The following ENTREP2 variants were observed in gnomAD, a reference collection of about 807,000 sequenced individuals.
ENTREP2 encodes protein ENTREP2.
At chr15:29,561,483 C>A in the ENTREP2 span, among the ~76,000 whole-genome samples, 1 of 151,936 alleles carries the variant, frequency 6.6e-6, no homozygotes, top group African/African-American at 2.4e-5. Context: ...GTCAGGAGAT[C>A]GAGACCATCT....
the ENTREP2 span, among the ~76,000 whole-genome samples, chr15:29,439,824 G>A: frequency 7.6e-4 from 115 of 152,288 alleles, no homozygotes; most frequent in African/African-American, 2.6e-3. Flanking sequence ...AAGGAGTAAG[G>A]GAGGGGAAAG....
chr15:29,549,418 C>T, the ENTREP2 span, among the ~76,000 whole-genome samples: 2 of 152,002 alleles, frequency 1.3e-5, no homozygotes, highest in Admixed American at 1.3e-4. Flanking sequence ...TACAGGCGCC[C>T]ACCACCACAC....
chr15:29,528,446 C>T, the ENTREP2 span, among the ~76,000 whole-genome samples: 1 of 152,128 alleles, frequency 6.6e-6, no homozygotes, highest in Non-Finnish European at 1.5e-5. Flanking sequence ...GAAATCCAGC[C>T]GCTAGTACCC....
chr15:29,123,174 G>A, the ENTREP2 span: 2 of 687,242 alleles, frequency 2.9e-6, no homozygotes, highest in African/African-American at 1.8e-5. Context: ...GAGAGAGGGG[G>A]TAACAGTTCC....
the ENTREP2 span, among the ~76,000 whole-genome samples, chr15:29,650,689 T>G: frequency 6.6e-6 from 1 of 151,668 alleles, no homozygotes; most frequent in Non-Finnish European, 1.5e-5. Context: ...CAACTTAAAT[T>G]GGTGGTGATG....
the ENTREP2 span, among the ~76,000 whole-genome samples, chr15:29,623,892 C>T: frequency 5.2e-4 from 79 of 152,242 alleles, no homozygotes; most frequent in East Asian, 1.9e-3. Flanking sequence ...CCCACCACTA[C>T]GCCCAGCTAA....
the ENTREP2 span, among the ~76,000 whole-genome samples, chr15:29,342,060 G>C: frequency 1.3e-5 from 2 of 152,194 alleles, no homozygotes; most frequent in African/African-American, 4.8e-5. Context: ...ACCACCCCTT[G>C]CTCTAAGTGA....
At chr15:29,120,101 C>T in the ENTREP2 span, among the ~76,000 whole-genome samples, 8 of 152,296 alleles carry the variant, frequency 5.3e-5, no homozygotes, top group South Asian at 4.1e-4. Flanking sequence ...TGACCCTCTC[C>T]GGAAGGCTTC....
At chr15:29,592,775 G>A in the ENTREP2 span, among the ~76,000 whole-genome samples, 1 of 152,148 alleles carries the variant, frequency 6.6e-6, no homozygotes, top group African/African-American at 2.4e-5. Flanking sequence ...TGGTGGGGGT[G>A]GGGAAGAAGT....
At chr15:29,588,762 CT>C in the ENTREP2 span, among the ~76,000 whole-genome samples, 2 of 152,020 alleles carry the variant, frequency 1.3e-5, no homozygotes, top group African/African-American at 4.8e-5. Context: ...CTTTGGGAGG[CT>C]GAGGCAGGCA....
At chr15:29,408,843 A>G in the ENTREP2 span, among the ~76,000 whole-genome samples, 1 of 150,724 alleles carries the variant, frequency 6.6e-6, no homozygotes, top group Non-Finnish European at 1.5e-5. Flanking sequence ...CAATTTTACT[A>G]TATTTGCTTC....
chr15:29,622,097 C>T, the ENTREP2 span, among the ~76,000 whole-genome samples: 5 of 152,006 alleles, frequency 3.3e-5, no homozygotes, highest in Non-Finnish European at 7.4e-5. Flanking sequence ...TTCAGTTTTG[C>T]AAGATGAAAA....
At chr15:29,351,354 T>C in the ENTREP2 span, among the ~76,000 whole-genome samples, 1 of 152,228 alleles carries the variant, frequency 6.6e-6, no homozygotes, top group Non-Finnish European at 1.5e-5. Context: ...ATAGACATCA[T>C]TATGCAGCAC....
At chr15:29,498,316 T>A in the ENTREP2 span, among the ~76,000 whole-genome samples, 2 of 152,110 alleles carry the variant, frequency 1.3e-5, no homozygotes, top group South Asian at 4.1e-4. Context: ...ATACCCAAAG[T>A]TTTGGTACAC....
chr15:29,666,980 A>G, the ENTREP2 span, among the ~76,000 whole-genome samples: 1 of 151,928 alleles, frequency 6.6e-6, no homozygotes, highest in East Asian at 1.9e-4. Flanking sequence ...CGTCATTCCA[A>G]TCTCTGCCTC....
chr15:29,119,778 A>G, the ENTREP2 span, among the ~76,000 whole-genome samples: 1 of 151,756 alleles, frequency 6.6e-6, no homozygotes, highest in East Asian at 1.9e-4. Flanking sequence ...ATGAAGAGAA[A>G]TGTCGCCTGA....
chr15:29,587,138 C>CGTGTGT, the ENTREP2 span, among the ~76,000 whole-genome samples: 941 of 123,998 alleles, frequency 7.6e-3, 10 homozygotes, highest in Non-Finnish European at 9.4e-3. Context: ...TGTAGCTAAC[C>CGTGTGT]GTGTGTGTGT....
the ENTREP2 span, among the ~76,000 whole-genome samples, chr15:29,164,201 A>G: frequency 0.22 from 33,568 of 152,088 alleles, 4,572 homozygotes; most frequent in Non-Finnish European, 0.31. Flanking sequence ...AAACACATCA[A>G]AACAGAACCT....
the ENTREP2 span, among the ~76,000 whole-genome samples, chr15:29,243,243 A>G: frequency 3.9e-5 from 6 of 152,222 alleles, no homozygotes; most frequent in South Asian, 1.0e-3. Flanking sequence ...TCCAAAAACT[A>G]TTCCTATACA....
Sources: gnomAD v4.1 joint callset for allele counts (sites outside exome capture counted in the v4.1 genomes callset) on GRCh38, gnomAD v4.1.1 for gene constraint, MANE v1.5 for transcripts, NCBI Gene and HGNC (gene_info 2026-07-23, HGNC 2026-07-21) for gene names.